SLC37A1: variants seen among roughly 807,000 people sequenced by gnomAD.
SLC37A1 encodes solute carrier family 37 member 1.
SLC37A1 carries 49 observed loss-of-function variants against 75.3 expected under a neutral mutation model. That is an observed-to-expected ratio of 0.65 (90% CI 0.52 to 0.83). The LOEUF (loss-of-function observed/expected upper bound fraction) is 0.83, where lower values mean the gene tolerates loss of function less well. SLC37A1 is among the 40% of genes least tolerant of loss of function. SLC37A1 has a pLI of 0.00. For synonymous variants in SLC37A1, 268 were observed against 292.1 expected (o/e 0.92, Z 0.84); for missense variants, 566 against 695.0 (o/e 0.81, Z 2.09).
At chr21:42,544,024 T>C (rs1183744032) in intron 8 of SLC37A1, among the ~76,000 whole-genome samples, 1 of 152,230 alleles carries the variant, frequency 6.6e-6, no homozygotes, top group Non-Finnish European at 1.5e-5. Flanking sequence ...ATATCTTAAC[T>C]GGGTAAAAAG....
chr21:42,536,413 A>G (rs548986367), intron 5 of SLC37A1, among the ~76,000 whole-genome samples: 54 of 152,150 alleles, frequency 3.5e-4, no homozygotes, highest in Non-Finnish European at 6.6e-4. Flanking sequence ...GGTGAATATT[A>G]TATGGGTCAT....
intron 18 of SLC37A1, chr21:42,575,588 G>A (rs1569048508): frequency 1.0e-6 from 1 of 985,288 alleles, no homozygotes; most frequent in African/African-American, 1.7e-5. Flanking sequence ...ATGTGCAGCT[G>A]TGAGGGGTGC....
chr21:42,529,291 C>T (rs542456482), intron 3 of SLC37A1, among the ~76,000 whole-genome samples: 36 of 151,986 alleles, frequency 2.4e-4, no homozygotes, highest in African/African-American at 8.7e-4. Context: ...ACAAATGGCC[C>T]GGGCACTGTG....
At chr21:42,530,678 G>A (rs1176307473) in intron 3 of SLC37A1, among the ~76,000 whole-genome samples, 1 of 144,600 alleles carries the variant, frequency 6.9e-6, no homozygotes, top group Non-Finnish European at 1.5e-5. Flanking sequence ...GGCTGAAGGT[G>A]GAGTGAAACT....
chr21:42,553,011 A>T (rs1051589017), intron 9 of SLC37A1, among the ~76,000 whole-genome samples: 1 of 152,216 alleles, frequency 6.6e-6, no homozygotes, highest in Non-Finnish European at 1.5e-5. Flanking sequence ...AAGTAATAAG[A>T]TCAATAGTTT....
At chr21:42,562,555 A>G (rs1052074665) in intron 12 of SLC37A1, among the ~76,000 whole-genome samples, 1 of 152,210 alleles carries the variant, frequency 6.6e-6, no homozygotes, top group Non-Finnish European at 1.5e-5. Flanking sequence ...TGACCTGGAA[A>G]TGGCTTCTGG....
chr21:42,561,946 C>G, intron 11 of SLC37A1, 132 bp from the exon 12 acceptor site: 1 of 736,288 alleles, frequency 1.4e-6, no homozygotes, highest in Non-Finnish European at 2.4e-6. Flanking sequence ...CAGTACGTGT[C>G]TGGAGGTGCT....
chr21:42,564,627 C>T, intron 13 of SLC37A1, 81 bp from the exon 14 acceptor site: 1 of 1,142,638 alleles, frequency 8.8e-7, no homozygotes. Context: ...AGGCCGTTCT[C>T]CGAGCTCCTG....
chr21:42,509,914 C>T (rs2054419054), upstream of SLC37A1, among the ~76,000 whole-genome samples: 1 of 152,186 alleles, frequency 6.6e-6, no homozygotes, highest in African/African-American at 2.4e-5. This position sits in a 1 kb window ranked among gnomAD's most constrained non-coding sequence, Gnocchi z 4.2. Flanking sequence ...TCTTCAAAGC[C>T]CCCTTCAGGG....
intron 1 of SLC37A1, among the ~76,000 whole-genome samples, chr21:42,515,355 T>C (rs1029701921): frequency 1.3e-4 from 20 of 150,658 alleles, no homozygotes; most frequent in African/African-American, 4.5e-4. Context: ...GCCTGTAAAG[T>C]GAGACCCAGT....
At chr21:42,533,101 G>T (rs938625235) in intron 3 of SLC37A1, among the ~76,000 whole-genome samples, 1 of 152,186 alleles carries the variant, frequency 6.6e-6, no homozygotes, top group Non-Finnish European at 1.5e-5. Context: ...CTGAAGAGGG[G>T]GGGCAGGACT....
At chr21:42,568,465 G>C (rs1170421589) in intron 17 of SLC37A1, 27 bp downstream of exon 17, 1 of 1,606,822 alleles carries the variant, frequency 6.2e-7, no homozygotes, top group African/African-American at 1.3e-5. Context: ...AGCTCTGGGA[G>C]GTTTGGTGTC....
intron 13 of SLC37A1, 106 bp from the exon 14 acceptor site, chr21:42,564,602 G>A (rs1318208565): frequency 3.5e-6 from 3 of 851,028 alleles, no homozygotes; most frequent in East Asian, 2.4e-5. Flanking sequence ...GGAGAGAGGG[G>A]CTTGGGAAAG....
intron 2 of SLC37A1, among the ~76,000 whole-genome samples, chr21:42,523,978 A>G (rs1241796587): frequency 6.6e-6 from 1 of 151,708 alleles, no homozygotes; most frequent in Admixed American, 6.6e-5. Context: ...CAGCTCTGGG[A>G]TCCTAGGATT....
chr21:42,560,296 C>T (rs2055797460), intron 11 of SLC37A1: 1 of 152,914 alleles, frequency 6.5e-6, no homozygotes, highest in African/African-American at 2.4e-5. Flanking sequence ...GGAGACCAGA[C>T]CCTGCTGTGT....
At chr21:42,526,555 G>A (rs2054798625) in intron 3 of SLC37A1, among the ~76,000 whole-genome samples, 1 of 152,190 alleles carries the variant, frequency 6.6e-6, no homozygotes, top group Admixed American at 6.5e-5. Flanking sequence ...CCCAGCTCCA[G>A]GACTGCAATT....
intron 17 of SLC37A1, among the ~76,000 whole-genome samples, chr21:42,572,626 T>C (rs2056206026): frequency 1.4e-5 from 2 of 142,984 alleles, no homozygotes; most frequent in Non-Finnish European, 3.0e-5. Flanking sequence ...TTTTATTTCA[T>C]GTTAGACTGA....
At chr21:42,531,144 T>TA (rs2054962046) in intron 3 of SLC37A1, among the ~76,000 whole-genome samples, 1 of 152,192 alleles carries the variant, frequency 6.6e-6, no homozygotes, top group South Asian at 2.1e-4. Flanking sequence ...AGGGAGTCTG[T>TA]AGACAGAAGA....
intron 10 of SLC37A1, among the ~76,000 whole-genome samples, chr21:42,557,486 A>G (rs1049619811): frequency 3.9e-5 from 6 of 152,280 alleles, no homozygotes; most frequent in African/African-American, 1.2e-4. Flanking sequence ...CATCGGGAGC[A>G]TGTTAGGCAT....
Sources: gnomAD v4.1 joint callset for allele counts (sites outside exome capture counted in the v4.1 genomes callset) on GRCh38, gnomAD v4.1.1 for gene constraint, Gnocchi (gnomAD v3.1) non-coding constraint, MANE v1.5 for transcripts, NCBI Gene and HGNC (gene_info 2026-07-23, HGNC 2026-07-21) for gene names.